The following ADAMTS2 variants were observed in gnomAD, a reference collection of about 807,000 sequenced individuals.
The protein encoded by ADAMTS2 is A disintegrin and metalloproteinase with thrombospondin motifs 2.
Under a neutral mutation model 123.0 loss-of-function variants are expected in ADAMTS2, and 50 were observed. The ratio of observed to expected loss-of-function variants is 0.41; its 90% CI spans 0.32 to 0.51. The LOEUF (loss-of-function observed/expected upper bound fraction) is 0.51. Ranked by LOEUF, ADAMTS2 falls within the 20% of genes least tolerant of loss-of-function variation. The probability of loss-of-function intolerance (pLI) is 0.35; values close to 1 mark genes in which losing one functional copy is unlikely to be tolerated. For synonymous variants in ADAMTS2, 678 were observed against 695.4 expected, an observed-to-expected ratio of 0.98 and a Z score of 0.39; for missense variants, 1,494 against 1,705.2, an observed-to-expected ratio of 0.88 and a Z score of 2.18.
intron 10 of ADAMTS2, among the ~76,000 whole-genome samples, chr5:179,143,326 C>T (rs764120817): frequency 8.0e-5 from 12 of 150,752 alleles, no homozygotes; most frequent in Non-Finnish European, 1.0e-4. Context: ...CCCAGCTACT[C>T]GGAGGCTGAG....
At chr5:179,294,520 AC>A (rs1261549640) in intron 2 of ADAMTS2, among the ~76,000 whole-genome samples, 2 of 152,184 alleles carry the variant, frequency 1.3e-5, no homozygotes, top group African/African-American at 4.8e-5. Flanking sequence ...TGCAAGTCTG[AC>A]CCACCCACGT....
At chr5:179,334,797 T>C (rs960325740) in intron 2 of ADAMTS2, among the ~76,000 whole-genome samples, 1 of 152,100 alleles carries the variant, frequency 6.6e-6, no homozygotes, top group Non-Finnish European at 1.5e-5. Flanking sequence ...TGTGTACCAA[T>C]AGATGGAAAG....
chr5:179,155,537 C>T lies in ADAMTS2; in HGVS notation c.1133-618G>A, dbSNP rs939490871. 3.3e-5 allele frequency among the ~76,000 whole-genome samples: 5 copies of T among 152,164 alleles called. No individual in the cohort carries two copies. The highest frequency in any genetic ancestry group is 4.1e-4 in the South Asian group (2 of 4,832). The stretch of plus-strand genomic sequence containing the variant: ...TATCCCAGCAGGGGGCTGGCTGGTG[C>T]GGACTGGGAGGTCAGAGCCGCCGTA... On this transcript the variant is annotated intron_variant, in intron 6 of 21. Transcript: ENST00000251582. This position sits in a 1 kb window ranked among gnomAD's most constrained non-coding sequence, Gnocchi z 5.1.
Position 179,248,830 on chromosome 5 carries a change from C to T in ADAMTS2, c.688+24081G>A, listed in dbSNP as rs74388431. 3.0e-4 allele frequency among the ~76,000 whole-genome samples: 46 copies of T among 152,180 alleles called. No individual in the cohort carries two copies. In the East Asian group the frequency reaches 8.7e-3, roughly 29 times the overall value. Reference sequence around the variant, plus strand: ...ATTCCACTTTCAAAAATGGATAAAACAACCGGCACATGATCAGTAAGAAAA... The same window carrying T: ...ATTCCACTTTCAAAAATGGATAAAATAACCGGCACATGATCAGTAAGAAAA... On this transcript the variant is annotated intron_variant, in intron 3 of 21. Coordinates refer to ENST00000251582, the MANE Select transcript of ADAMTS2 (RefSeq NM_014244.5).
intron 3 of ADAMTS2, among the ~76,000 whole-genome samples, chr5:179,259,575 C>T (rs1766159845): frequency 6.6e-6 from 1 of 152,218 alleles, no homozygotes; most frequent in Admixed American, 6.5e-5. Context: ...GACGGCATCC[C>T]CAGGGCAGAG....
chr5:179,336,849 C>A (rs1441709211), intron 2 of ADAMTS2, among the ~76,000 whole-genome samples: 1 of 152,186 alleles, frequency 6.6e-6, no homozygotes, highest in Non-Finnish European at 1.5e-5. Flanking sequence ...CCACAATAGG[C>A]CCCTGCCTTC....
At chr5:179,227,557 G>A (rs1026806489) in intron 3 of ADAMTS2, among the ~76,000 whole-genome samples, 2 of 152,164 alleles carry the variant, frequency 1.3e-5, no homozygotes, top group South Asian at 4.1e-4. Context: ...GAGTGATGAT[G>A]AGCCTGCTGG....
chr5:179,136,087 TC>T, intron 12 of ADAMTS2, 45 bp from the exon 13 acceptor site: 1 of 1,612,678 alleles, frequency 6.2e-7, no homozygotes, highest in African/African-American at 1.3e-5. Context: ...CCTGATGGCT[TC>T]CCCATGTGTG....
intron 9 of ADAMTS2, 44 bp downstream of exon 9, chr5:179,153,447 C>T (rs1300620088): frequency 6.3e-7 from 1 of 1,599,788 alleles, no homozygotes; most frequent in South Asian, 1.1e-5. Flanking sequence ...AGCACGCCTC[C>T]CCCCAGACCT....
Position 179,297,570 on chromosome 5 carries a change from T to C in ADAMTS2, c.535-24506A>G, listed in dbSNP as rs141244609. ...CCCCAATACGCTGAGGCCCCATGTCTCCCAGGACCCTCCCTCAAGACCCCG... is the reference window on the plus strand; with the variant it reads ...CCCCAATACGCTGAGGCCCCATGTCCCCCAGGACCCTCCCTCAAGACCCCG... On this transcript the variant is annotated intron_variant, in intron 2 of 21. Transcript: ENST00000251582. Among the ~76,000 whole-genome samples, 1,306 of 152,030 alleles carry C rather than the reference T, an allele frequency of 8.6e-3. 6 individuals carry two copies. The highest frequency in any genetic ancestry group is 0.02 in the Middle Eastern group (6 of 294).
At chr5:179,172,249 C>G (rs906205245) in intron 5 of ADAMTS2, among the ~76,000 whole-genome samples, 7 of 152,224 alleles carry the variant, frequency 4.6e-5, no homozygotes, top group African/African-American at 1.7e-4. Context: ...CCAGGGCCTG[C>G]ACATGTCCCC....
At chr5:179,154,000 G>A in intron 8 of ADAMTS2, 49 bp downstream of exon 8, 10 of 1,569,286 alleles carry the variant, frequency 6.4e-6, no homozygotes, top group Non-Finnish European at 8.6e-6. Context: ...TCCCAGAGCT[G>A]ACCCCAGGGA....
chr5:179,164,242 C>T (rs1170032135), intron 5 of ADAMTS2, among the ~76,000 whole-genome samples: 2 of 152,230 alleles, frequency 1.3e-5, no homozygotes, highest in Non-Finnish European at 2.9e-5. Context: ...CTTGTCCTTG[C>T]TGGGTCTGGA....
intron 3 of ADAMTS2, among the ~76,000 whole-genome samples, chr5:179,238,730 G>A (rs569602055): frequency 2.2e-4 from 34 of 152,284 alleles, no homozygotes; most frequent in African/African-American, 6.5e-4. Context: ...AGGGCGAGGC[G>A]CTGGGTCGTG....
At chr5:179,344,242 C>T (rs1757872190) in intron 1 of ADAMTS2, 81 bp from the exon 2 acceptor site, 1 of 1,494,924 alleles carries the variant, frequency 6.7e-7, no homozygotes, top group Non-Finnish European at 9.0e-7. Context: ...CCACGCCCCC[C>T]CAGACCCCGC....
At chr5:179,287,047 G>C (rs1033243786) in intron 2 of ADAMTS2, among the ~76,000 whole-genome samples, 2 of 152,214 alleles carry the variant, frequency 1.3e-5, no homozygotes, top group Non-Finnish European at 2.9e-5. Flanking sequence ...GGGGGATCTA[G>C]GGAGGGCGTC....
chr5:179,247,478 CA>C (rs1487245526), intron 3 of ADAMTS2, among the ~76,000 whole-genome samples: 2 of 152,102 alleles, frequency 1.3e-5, no homozygotes, highest in African/African-American at 2.4e-5. Flanking sequence ...ACAATGGCTC[CA>C]AATTCCCCAA....
chr5:179,233,895 A>G (rs1581209255), intron 3 of ADAMTS2, among the ~76,000 whole-genome samples: 1 of 151,750 alleles, frequency 6.6e-6, no homozygotes, highest in South Asian at 2.1e-4. Flanking sequence ...AATTCCTGGA[A>G]CCCTGCATGC....
At chr5:179,295,079 C>T (rs539123906) in intron 2 of ADAMTS2, among the ~76,000 whole-genome samples, 1 of 152,344 alleles carries the variant, frequency 6.6e-6, no homozygotes, top group East Asian at 1.9e-4. Context: ...CTGGAGGCTG[C>T]TGGGTTTGTC....
Sources: allele counts gnomAD v4.1 joint callset (sites outside exome capture counted in the v4.1 genomes callset), GRCh38; gene constraint gnomAD v4.1.1; non-coding constraint Gnocchi (gnomAD v3.1); transcripts MANE v1.5; gene names NCBI Gene and HGNC (gene_info 2026-07-23, HGNC 2026-07-21).